The following THSD4 variants were observed in gnomAD, a reference collection of about 807,000 sequenced individuals.
THSD4 encodes thrombospondin type-1 domain-containing protein 4.
In THSD4, 69 loss-of-function variants were observed where a neutral mutation model predicts 119.0. The observed-to-expected ratio is 0.58, with a 90% confidence interval of 0.48 to 0.71. The LOEUF is 0.71. Among genes scored for constraint, THSD4 ranks in the 30% least tolerant of loss-of-function variants. The pLI, the probability that THSD4 is intolerant of heterozygous loss-of-function variation, is 0.00. For synonymous variants in THSD4, 524 were observed against 540.4 expected, an observed-to-expected ratio of 0.97 and a Z score of 0.42; for missense variants, 1,393 against 1,391.1, an observed-to-expected ratio of 1.00 and a Z score of -0.02.
rs192084127 is a variant in THSD4, at chr15:71,592,666, G to A, written c.1153-67864G>A. Among the ~76,000 whole-genome samples the A allele has an allele frequency of 5.6e-4, 85 of 152,064 alleles. No homozygotes were observed. The East Asian group carries it at 0.014, about 25-fold the overall frequency. On this transcript the variant is annotated intron_variant, in intron 7 of 17. Coordinates refer to ENST00000261862, the MANE Select transcript of THSD4 (RefSeq NM_024817.3). ...TCTGGGAACCCAATCACCATTTACAGAATGCATTTTGTGGGAAAACACGTT... is the reference window on the plus strand; with the variant it reads ...TCTGGGAACCCAATCACCATTTACAAAATGCATTTTGTGGGAAAACACGTT...
At chr15:71,564,047 G>A (rs559565777) in intron 7 of THSD4, among the ~76,000 whole-genome samples, 13 of 152,036 alleles carry the variant, frequency 8.6e-5, no homozygotes, top group Non-Finnish European at 1.6e-4. Flanking sequence ...ATAGTTTTTT[G>A]CAGCATCGTA....
intron 8 of THSD4, among the ~76,000 whole-genome samples, chr15:71,692,411 G>A (rs1164258683): frequency 1.3e-5 from 2 of 152,170 alleles, no homozygotes; most frequent in Non-Finnish European, 2.9e-5. Context: ...AGTCAAAGCT[G>A]TACTTTATGG....
intron 7 of THSD4, among the ~76,000 whole-genome samples, chr15:71,556,578 C>T (rs2049020987): frequency 6.7e-6 from 1 of 149,976 alleles, no homozygotes; most frequent in African/African-American, 2.5e-5. Flanking sequence ...CCCGTCTCTA[C>T]AAAAAAAATA....
At chr15:71,153,226 G>C (rs549326244) in intron 2 of THSD4, among the ~76,000 whole-genome samples, 4 of 152,278 alleles carry the variant, frequency 2.6e-5, no homozygotes, top group Non-Finnish European at 5.9e-5. Flanking sequence ...CCATAGGGGA[G>C]TGGAGGGGCT....
chr15:71,145,926 C>G (rs1343549287), intron 2 of THSD4, among the ~76,000 whole-genome samples: 1 of 152,026 alleles, frequency 6.6e-6, no homozygotes, highest in Admixed American at 6.6e-5. Context: ...GCCTGGATCA[C>G]AAGTATTAAA....
At chr15:71,445,660 C>T (rs912013052) in intron 7 of THSD4, among the ~76,000 whole-genome samples, 1 of 152,214 alleles carries the variant, frequency 6.6e-6, no homozygotes, top group African/African-American at 2.4e-5. Flanking sequence ...TCCTTCCCAT[C>T]ATTTCCAAAT....
intron 6 of THSD4, among the ~76,000 whole-genome samples, chr15:71,394,433 C>T (rs574594390): frequency 7.9e-5 from 12 of 152,108 alleles, no homozygotes; most frequent in Admixed American, 4.6e-4. Context: ...CCACCACGGC[C>T]GGCTAATTTT....
intron 1 of THSD4, among the ~76,000 whole-genome samples, chr15:71,120,057 T>C (rs2040396140): frequency 6.6e-6 from 1 of 152,194 alleles, no homozygotes; most frequent in African/African-American, 2.4e-5. Context: ...GCTCAATGTA[T>C]TGCTGTAACA....
intron 7 of THSD4, chr15:71,547,627 C>T: frequency 1.1e-6 from 1 of 917,000 alleles, no homozygotes. Context: ...CTTCTCTTGC[C>T]TTTTCTTATA....
At chr15:71,591,858 C>T (rs1417970663) in intron 7 of THSD4, among the ~76,000 whole-genome samples, 4 of 152,036 alleles carry the variant, frequency 2.6e-5, no homozygotes, top group African/African-American at 9.6e-5. Flanking sequence ...TGGTATTGTT[C>T]AGAAGTGGTT....
chr15:71,596,782 C>G (rs929802179), intron 7 of THSD4, among the ~76,000 whole-genome samples: 1 of 152,198 alleles, frequency 6.6e-6, no homozygotes, highest in Non-Finnish European at 1.5e-5. Flanking sequence ...GAGCGCAGCT[C>G]TGTTTTGGAG....
intron 6 of THSD4, among the ~76,000 whole-genome samples, chr15:71,349,677 A>G (rs2045718817): frequency 6.6e-6 from 1 of 152,134 alleles, no homozygotes; most frequent in Non-Finnish European, 1.5e-5. Flanking sequence ...GTAGCCAAAG[A>G]CCACTGTAGG....
chr15:71,488,522 T>TA (rs2140689032), intron 7 of THSD4, among the ~76,000 whole-genome samples: 1 of 3,470 alleles, frequency 2.9e-4, no homozygotes, highest in East Asian at 0.033. Flanking sequence ...GTGGAAATCT[T>TA]AATCTCATAC....
chr15:71,742,010 T>G (rs143117276), intron 11 of THSD4, among the ~76,000 whole-genome samples: 65 of 152,316 alleles, frequency 4.3e-4, no homozygotes, highest in African/African-American at 1.6e-3. Context: ...GAGGCACAGA[T>G]GCAGAGCACA....
chr15:71,235,747 G>A (rs374752499), intron 4 of THSD4, among the ~76,000 whole-genome samples: 1 of 151,998 alleles, frequency 6.6e-6, no homozygotes. Context: ...CACCCATCAC[G>A]CCTGGCCAAT....
At chr15:71,371,233 G>A (rs960020755) in intron 6 of THSD4, among the ~76,000 whole-genome samples, 19 of 152,066 alleles carry the variant, frequency 1.2e-4, no homozygotes, top group Non-Finnish European at 2.6e-4. Context: ...TCTTTATCCA[G>A]TTTGCCAGTT....
chr15:71,679,050 CA>C (rs534525504), intron 8 of THSD4, among the ~76,000 whole-genome samples: 22 of 152,216 alleles, frequency 1.4e-4, no homozygotes, highest in African/African-American at 4.8e-4. Flanking sequence ...GATATTCCTG[CA>C]AGATAATTAA....
Position 71,524,228 on chromosome 15 carries a change from C to A in THSD4, c.1152+112405C>A, listed in dbSNP as rs369179858. On this transcript the variant is annotated intron_variant, in intron 7 of 17. Transcript: ENST00000261862. ...GGCTTGTTTCCAAGACCCCTGCCAG[C>A]CTTAAAGATAGCCACAGGGACTGAC... Among the ~76,000 whole-genome samples, 11 of 152,330 alleles carry A rather than the reference C, an allele frequency of 7.2e-5. No individual in the cohort carries two copies. The East Asian group carries it at 2.1e-3, about 29-fold the overall frequency.
At chr15:71,523,131 T>G (rs955166694) in intron 7 of THSD4, among the ~76,000 whole-genome samples, 2 of 152,228 alleles carry the variant, frequency 1.3e-5, no homozygotes, top group African/African-American at 4.8e-5. Context: ...TTCCTATAAC[T>G]GCTGTAACCA....
Sources: allele counts gnomAD v4.1 joint callset (sites outside exome capture counted in the v4.1 genomes callset), GRCh38; gene constraint gnomAD v4.1.1; transcripts MANE v1.5; gene names NCBI Gene and HGNC (gene_info 2026-07-23, HGNC 2026-07-21).